Variants in GJC1 observed in about 807,000 individuals in gnomAD.
GJC1 encodes the protein gap junction protein gamma 1.
A neutral mutation model predicts 29.3 loss-of-function variants in GJC1; 5 were observed. The ratio of observed to expected loss-of-function variants is 0.17; its 90% CI spans 0.09 to 0.36. The LOEUF is 0.36. GJC1 is among the 10% of genes least tolerant of loss of function. GJC1 has a pLI of 1.00. For synonymous variants in GJC1, 177 were observed against 183.3 expected, an observed-to-expected ratio of 0.97 and a Z score of 0.28; for missense variants, 310 against 496.2, an observed-to-expected ratio of 0.62 and a Z score of 3.56.
In GJC1 at chr17:44,801,598, T is replaced by C. The variant is rs1057047270; in HGVS notation, c.*3029A>G. The C allele has an allele frequency of 2.6e-5, 4 of 151,554 alleles. No individual in the cohort carries two copies. Among genetic ancestry groups the C allele is most frequent in the African/African-American group, 9.8e-5 (4 of 41,010 alleles). 9.4% of individuals were successfully genotyped at this position (151,554 alleles called of 1,614,324 possible). A position where few individuals can be genotyped will look rare whatever the true frequency, so the allele number is the denominator to read the frequency against. ...TAGCTAGACATCAACAGGCTCACTT[T>C]CTTTTTTTCTTTTTTTTTTTTTGAG... On this transcript the variant is annotated 3_prime_UTR_variant, in exon 3 of 3. Coordinates refer to ENST00000592524, the MANE Select transcript of GJC1 (RefSeq NM_005497.4).
chr17:44,830,474 C>A (rs1227661314), upstream of GJC1, among the ~76,000 whole-genome samples: 3 of 152,150 alleles, frequency 2.0e-5, no homozygotes, highest in East Asian at 5.8e-4. The surrounding 1 kb of genome is among the most constrained non-coding windows in gnomAD (Gnocchi z 4.3). Flanking sequence ...GCGGCGGAGG[C>A]GCGGCGCGCG....
intron 1 of GJC1, among the ~76,000 whole-genome samples, chr17:44,819,444 G>A (rs1433739325): frequency 2.0e-5 from 3 of 151,960 alleles, no homozygotes; most frequent in Non-Finnish European, 2.9e-5. Context: ...AGATCATGAG[G>A]TCAGGAGATC....
chr17:44,814,643 C>T (rs1423936848), intron 1 of GJC1, among the ~76,000 whole-genome samples: 1 of 152,006 alleles, frequency 6.6e-6, no homozygotes, highest in African/African-American at 2.4e-5. Context: ...TGAAAAGGTG[C>T]CTAAAATTCA....
Position 44,808,291 on chromosome 17 carries a change from C to T in GJC1, c.-96-822G>A, listed in dbSNP as rs1376669596. Among the ~76,000 whole-genome samples the T allele has an allele frequency of 2.0e-5, 3 of 151,862 alleles. No homozygotes were observed. The East Asian group carries it at 5.8e-4, about 29-fold the overall frequency. On this transcript the variant is annotated intron_variant, in intron 1 of 2. Transcript: ENST00000592524. ...AAAAAAAAAAAGTGAAGGCATGAAG[C>T]CGCATAAAGATTTGCACATAAGCCT...
chr17:44,824,457 T>G (rs1353762202), intron 1 of GJC1, among the ~76,000 whole-genome samples: 2 of 151,904 alleles, frequency 1.3e-5, no homozygotes, highest in African/African-American at 4.8e-5. Flanking sequence ...TGCCACCACA[T>G]CCAGCTAATT....
chr17:44,817,867 G>A (rs1022716769), intron 1 of GJC1, among the ~76,000 whole-genome samples: 1 of 152,008 alleles, frequency 6.6e-6, no homozygotes, highest in Non-Finnish European at 1.5e-5. Context: ...ATGGAATTAT[G>A]TACAGGTTCT....
At position 44,804,856 on chromosome 17, in the gene GJC1, T is replaced by C; in HGVS notation, c.962A>G (p.Glu321Gly). The C allele has an allele frequency of 6.2e-7, 1 of 1,614,226 alleles. No homozygotes were observed. Among genetic ancestry groups the C allele is most frequent in the Non-Finnish European group, 8.5e-7 (1 of 1,180,036 alleles). The change falls in exon 3 of 3, where the codon GAA becomes GGA. Residue 321 changes from glutamate (E) to glycine (G), a missense_variant. Glu to Gly is a moderately conservative substitution (Grantham distance 98). Transcript: ENST00000592524. ...YKQNKANTAQ[E>G]QQYGSHEENL... ...CTCCTCATGGCTGCCATACTGCTGT[T>C]CCTGGGCTGTGTTGGCCTTGTTTTG...
chr17:44,825,625 A>C (rs1215351339), intron 1 of GJC1, among the ~76,000 whole-genome samples: 1 of 152,024 alleles, frequency 6.6e-6, no homozygotes, highest in African/African-American at 2.4e-5. Context: ...AAATACAAAA[A>C]TTAGCTGGGC....
At chr17:44,820,843 G>A (rs2050097946) in intron 1 of GJC1, among the ~76,000 whole-genome samples, 1 of 152,184 alleles carries the variant, frequency 6.6e-6, no homozygotes, top group African/African-American at 2.4e-5. Flanking sequence ...CCACATGAGT[G>A]ATAATAGATG....
intron 1 of GJC1, among the ~76,000 whole-genome samples, chr17:44,809,146 A>G (rs1815058540): frequency 6.6e-6 from 1 of 152,198 alleles, no homozygotes; most frequent in Non-Finnish European, 1.5e-5. Context: ...CTGTAATCTC[A>G]GCACTTTGGA....
chr17:44,825,729 C>T (rs369673554), intron 1 of GJC1, among the ~76,000 whole-genome samples: 3 of 150,640 alleles, frequency 2.0e-5, no homozygotes, highest in Non-Finnish European at 4.4e-5. Context: ...GAGCCAAGAT[C>T]GTGCCACTGC....
chr17:44,796,337 T>C (rs754069435), downstream of GJC1, among the ~76,000 whole-genome samples: 7 of 152,180 alleles, frequency 4.6e-5, no homozygotes, highest in East Asian at 1.3e-3. Flanking sequence ...TAGTCAAGGA[T>C]GGCACACTCT....
chr17:44,815,981 C>T (rs954131599), intron 1 of GJC1, among the ~76,000 whole-genome samples: 14 of 151,468 alleles, frequency 9.2e-5, no homozygotes, highest in African/African-American at 1.5e-4. Context: ...GACGTGGTGG[C>T]GGGTGCCTGT....
Position 44,801,917 on chromosome 17 carries a change from G to A in GJC1, c.*2710C>T, listed in dbSNP as rs140163246. On this transcript the variant is annotated 3_prime_UTR_variant, in exon 3 of 3. Coordinates refer to ENST00000592524, the MANE Select transcript of GJC1 (RefSeq NM_005497.4). Reference sequence around the variant, plus strand: ...ACCGCGCCTGGCCCATTTTCTTAATGTAAGTCCACAATATGTCATTAGGGG... The same window carrying A: ...ACCGCGCCTGGCCCATTTTCTTAATATAAGTCCACAATATGTCATTAGGGG... 1 of 152,272 alleles carries A rather than the reference G, an allele frequency of 6.6e-6. No individual in the cohort carries two copies. The highest frequency in any genetic ancestry group is 2.4e-5 in the African/African-American group (1 of 41,560). The allele number at this position is 152,272 out of a possible 1,614,324, so 9.4% of individuals were successfully genotyped here.
intron 1 of GJC1, among the ~76,000 whole-genome samples, chr17:44,813,484 CTTTTTT>C (rs35299072): frequency 6.1e-4 from 49 of 80,538 alleles, no homozygotes; most frequent in East Asian, 1.2e-3. Context: ...TTCCAAGTTA[CTTTTTT>C]TTTTTTTTTT....
Position 44,803,304 on chromosome 17 carries a change from A to G in GJC1, c.*1323T>C, listed in dbSNP as rs1482955456. 2 of 152,226 alleles carry G rather than the reference A, an allele frequency of 1.3e-5. No individual in the cohort carries two copies. The highest frequency in any genetic ancestry group is 2.9e-5 in the Non-Finnish European group (2 of 68,042). The allele number at this position is 152,226 out of a possible 1,614,324, so 9.4% of individuals were successfully genotyped here. A position where few individuals can be genotyped will look rare whatever the true frequency, so the allele number is the denominator to read the frequency against. ...AGCTCACAAAACTTAAGACAATGTG[A>G]ACATGATGAGAAAGCAAAGCTCTCC... On this transcript the variant is annotated 3_prime_UTR_variant, in exon 3 of 3. Coordinates refer to ENST00000592524, the MANE Select transcript of GJC1 (RefSeq NM_005497.4).
At position 44,805,721 on chromosome 17, in the gene GJC1, T is replaced by C; in HGVS notation, c.97A>G (p.Ile33Val). 6.2e-7 allele frequency: 1 copy of C among 1,614,022 alleles called. No homozygotes were observed. Among genetic ancestry groups the C allele is most frequent in the Non-Finnish European group, 8.5e-7 (1 of 1,179,906 alleles). The change falls in exon 3 of 3, where the codon ATC (isoleucine) becomes GTC (valine). Residue 33 changes from isoleucine (I) to valine (V), a missense_variant. By Grantham distance (29) the Ile-to-Val change is conservative. Coordinates refer to ENST00000592524, the MANE Select transcript of GJC1 (RefSeq NM_005497.4). The surrounding 1 kb of genome is among the most constrained non-coding windows in gnomAD (Gnocchi z 5.1). ...IWLTVLIVFR[I>V]VLTAVGGESI... ...TCTCCTCCTACAGCTGTAAGGACGATCCGGAAGACAATCAGAACAGTGAGC... is the reference window on the plus strand; with the variant it reads ...TCTCCTCCTACAGCTGTAAGGACGACCCGGAAGACAATCAGAACAGTGAGC...
intron 1 of GJC1, among the ~76,000 whole-genome samples, chr17:44,813,509 T>G (rs2050008298): frequency 1.1e-5 from 1 of 94,414 alleles, no homozygotes; most frequent in Non-Finnish European, 2.2e-5. Flanking sequence ...TTTTTTTTTT[T>G]GAGACAAGAG....
At chr17:44,794,242 A>C (rs895865218), downstream of GJC1, 2 of 152,272 alleles carry the variant, frequency 1.3e-5, no homozygotes, top group Non-Finnish European at 2.9e-5. Flanking sequence ...CTAGCACTCC[A>C]CAGCAGGATC....
Sources: allele counts gnomAD v4.1 joint callset (sites outside exome capture counted in the v4.1 genomes callset), GRCh38; gene constraint gnomAD v4.1.1; non-coding constraint Gnocchi (gnomAD v3.1); transcripts MANE v1.5; gene names NCBI Gene and HGNC (gene_info 2026-07-23, HGNC 2026-07-21).